RBM6: variants seen among roughly 807,000 people sequenced by gnomAD.
The protein encoded by RBM6 is RNA binding motif protein 6, also known as RNA-binding protein 6.
RBM6 carries 23 observed loss-of-function variants against 140.4 expected under a neutral mutation model. That is an observed-to-expected ratio of 0.16 (90% CI 0.12 to 0.23). RBM6 has a LOEUF of 0.23. Among genes scored for constraint, RBM6 ranks in the 10% least tolerant of loss-of-function variants. The pLI is 1.00. For synonymous variants in RBM6, 439 were observed against 475.6 expected (o/e 0.92, Z 1.00); for missense variants, 1,139 against 1,386.7 (o/e 0.82, Z 2.84).
At chr3:50,018,712 C>A in intron 6 of RBM6, among the ~76,000 whole-genome samples, 1 of 149,816 alleles carries the variant, frequency 6.7e-6, no homozygotes, top group East Asian at 2.0e-4. Context: ...CTGCCTCAGC[C>A]TCCCAAGTAG....
At chr3:49,987,999 T>C (rs752950628) in intron 5 of RBM6, among the ~76,000 whole-genome samples, 14 of 152,220 alleles carry the variant, frequency 9.2e-5, no homozygotes, top group Admixed American at 4.6e-4. Context: ...ATCTGAAACC[T>C]GATTTCCAAG....
chr3:49,952,279 T>C (rs1052582714), intron 1 of RBM6, among the ~76,000 whole-genome samples: 4 of 152,084 alleles, frequency 2.6e-5, no homozygotes, highest in Non-Finnish European at 4.4e-5. Context: ...TCTACCCGCC[T>C]TGGCCTCCCA....
At chr3:50,036,974 C>T (rs914444806) in intron 6 of RBM6, among the ~76,000 whole-genome samples, 1 of 151,882 alleles carries the variant, frequency 6.6e-6, no homozygotes, top group Non-Finnish European at 1.5e-5. Context: ...TTAGTAGAGA[C>T]GGGGCTTCAC....
chr3:50,054,879 A>G (rs1388786653), intron 8 of RBM6, among the ~76,000 whole-genome samples: 1 of 152,082 alleles, frequency 6.6e-6, no homozygotes, highest in Admixed American at 6.6e-5. Flanking sequence ...GCTGGAGTGC[A>G]GTGGCGCAAT....
chr3:50,031,571 G>A (rs2088166422), intron 6 of RBM6, among the ~76,000 whole-genome samples: 1 of 151,802 alleles, frequency 6.6e-6, no homozygotes, highest in African/African-American at 2.4e-5. Context: ...TCACACACTG[G>A]GGCCTGTCGT....
At chr3:49,973,553 A>G (rs2084899060) in intron 4 of RBM6, among the ~76,000 whole-genome samples, 1 of 151,684 alleles carries the variant, frequency 6.6e-6, no homozygotes, top group Non-Finnish European at 1.5e-5. Context: ...TTCAGAGCTT[A>G]AGCCTTTGAA....
intron 2 of RBM6, among the ~76,000 whole-genome samples, chr3:49,964,054 C>A (rs770684686): frequency 2.5e-4 from 38 of 152,080 alleles, no homozygotes; most frequent in Non-Finnish European, 4.3e-4. Flanking sequence ...GTGTATGCCA[C>A]CATGCCTGGC....
intron 5 of RBM6, among the ~76,000 whole-genome samples, chr3:49,979,864 A>G (rs2108667203): frequency 6.6e-6 from 1 of 152,200 alleles, no homozygotes; most frequent in Non-Finnish European, 1.5e-5. Flanking sequence ...TTGGGGGAGG[A>G]GTTAACTATA....
chr3:50,074,126 G>C lies in RBM6; in HGVS notation c.3117-1075G>C, dbSNP rs190175030. Reference sequence around the variant, plus strand: ...TTACAGGCGTGAGTCACTGCACCCGGCCACCAAGCAGCCTTACCTTTGTCA... The same window carrying C: ...TTACAGGCGTGAGTCACTGCACCCGCCCACCAAGCAGCCTTACCTTTGTCA... On this transcript the variant is annotated intron_variant, in intron 19 of 20. Transcript: ENST00000266022. Among the ~76,000 whole-genome samples the C allele has an allele frequency of 5.9e-5, 9 of 152,146 alleles. No homozygotes were observed. In the East Asian group the frequency reaches 1.8e-3, roughly 30 times the overall value.
At chr3:49,979,308 T>C (rs1299182409) in intron 5 of RBM6, among the ~76,000 whole-genome samples, 7 of 152,152 alleles carry the variant, frequency 4.6e-5, no homozygotes, top group Admixed American at 4.6e-4. Flanking sequence ...ATGGTACTTC[T>C]TTTGGGCTGA....
chr3:49,966,831 C>G (rs911448358), intron 2 of RBM6, among the ~76,000 whole-genome samples: 33 of 151,894 alleles, frequency 2.2e-4, no homozygotes, highest in African/African-American at 8.0e-4. Context: ...CTTGGTGGAG[C>G]CACTGTAGAA....
chr3:50,015,980 A>G (rs1447933657), intron 6 of RBM6, among the ~76,000 whole-genome samples: 1 of 152,196 alleles, frequency 6.6e-6, no homozygotes, highest in Admixed American at 6.5e-5. Flanking sequence ...AATAGATACA[A>G]TACATTGTTA....
chr3:50,070,623 A>G (rs184962826), intron 19 of RBM6, 71 bp downstream of exon 19: 130 of 1,099,088 alleles, frequency 1.2e-4, no homozygotes, highest in Non-Finnish European at 1.7e-4. Context: ...CTTCAACTGT[A>G]CTGCTGTTTT....
chr3:50,019,412 G>A (rs1233392550), intron 6 of RBM6, among the ~76,000 whole-genome samples: 1 of 152,018 alleles, frequency 6.6e-6, no homozygotes, highest in Non-Finnish European at 1.5e-5. Context: ...TACCTTTTAT[G>A]TCCTTTTCTT....
In RBM6 at chr3:49,962,760, A is replaced by T; in HGVS notation, c.44+75A>T. The T allele has an allele frequency of 5.2e-6, 7 of 1,336,638 alleles. No homozygotes were observed. In the South Asian group the frequency reaches 8.2e-5, roughly 16 times the overall value. The allele number at this position is 1,336,638 out of a possible 1,614,324, so 82.8% of individuals were successfully genotyped here. On this transcript the variant is annotated intron_variant, in intron 2 of 20. Coordinates refer to ENST00000266022, the MANE Select transcript of RBM6 (RefSeq NM_005777.3). ...TGTGTAACATTTTCGCCTACTATAA[A>T]TGAAGATATTTTCTCTGTGGAGAAA...
chr3:49,973,662 T>G (rs2681778), intron 4 of RBM6, among the ~76,000 whole-genome samples: 11 of 146,516 alleles, frequency 7.5e-5, no homozygotes, highest in African/African-American at 2.8e-4. Context: ...CTCGGCTCAC[T>G]GCAACCTCTG....
chr3:50,048,327 C>T lies in RBM6; in HGVS notation c.1632+8C>T. 6.2e-7 allele frequency: 1 copy of T among 1,610,366 alleles called. No homozygotes were observed. The highest frequency in any genetic ancestry group is 1.3e-5 in the African/African-American group (1 of 74,982). Reference sequence around the variant, plus strand: ...TTTTGGTACTGCAAACGAGTAAGTACCAAGAATCCCTTTCTTTAGAAGTAA... The same window carrying T: ...TTTTGGTACTGCAAACGAGTAAGTATCAAGAATCCCTTTCTTTAGAAGTAA... On this transcript the variant is annotated splice_region_variant and intron_variant, in intron 7 of 20. Transcript: ENST00000266022.
At chr3:50,034,593 T>C (rs1361610197) in intron 6 of RBM6, among the ~76,000 whole-genome samples, 4 of 152,050 alleles carry the variant, frequency 2.6e-5, no homozygotes, top group African/African-American at 9.7e-5. Context: ...AAACCCCATC[T>C]CTACTAAAAA....
intron 6 of RBM6, among the ~76,000 whole-genome samples, chr3:50,007,016 CAA>C (rs1374506048): frequency 6.6e-6 from 1 of 151,244 alleles, no homozygotes; most frequent in African/African-American, 2.4e-5. Flanking sequence ...TCATCTGAAA[CAA>C]AGTCTTAAGT....
Sources: allele counts gnomAD v4.1 joint callset (sites outside exome capture counted in the v4.1 genomes callset), GRCh38; gene constraint gnomAD v4.1.1; transcripts MANE v1.5; gene names NCBI Gene and HGNC (gene_info 2026-07-23, HGNC 2026-07-21).